The following DYNLT2 variants were observed in gnomAD, a reference collection of about 807,000 sequenced individuals.
The protein encoded by DYNLT2 is dynein light chain Tctex-type 2.
Under a neutral mutation model 24.3 loss-of-function variants are expected in DYNLT2, and 24 were observed. The observed-to-expected ratio is 0.99, with a 90% CI of 0.71 to 1.39. The LOEUF (loss-of-function observed/expected upper bound fraction) is 1.39, where lower values mean the gene tolerates loss of function less well. Among genes scored for constraint, DYNLT2 ranks in the 40% most tolerant of loss-of-function variants. The probability of loss-of-function intolerance (pLI) is 0.00; values close to 1 mark genes in which losing one functional copy is unlikely to be tolerated. For synonymous variants in DYNLT2, 85 were observed against 85.4 expected, an observed-to-expected ratio of 1.00 and a Z score of 0.03; for missense variants, 246 against 234.5, an observed-to-expected ratio of 1.05 and a Z score of -0.32.
chr6:169,734,686 G>A, the DYNLT2 span, among the ~76,000 whole-genome samples: 1 of 152,144 alleles, frequency 6.6e-6, no homozygotes, highest in Non-Finnish European at 1.5e-5. Flanking sequence ...GATTCGGTTG[G>A]CCAGTATTTT....
In DYNLT2 at chr6:169,751,360, A is replaced by C; in HGVS notation, c.99T>G (p.Pro33=). The part of the protein sequence containing the change: ...APVTPRKERR[P]SMFEKEAYTQ... ...TCACTGCCTCCTTCTCGAACATGCT[A>C]GGCCTCCTTTCTTTCCTAGGCGTCA... Residue 33 remains proline (P), a synonymous_variant, in exon 1 of 4, where the codon CCT becomes CCG. Transcript: ENST00000366774. The C allele has an allele frequency of 6.2e-7, 1 of 1,614,018 alleles. No homozygotes were observed. The highest frequency in any genetic ancestry group is 8.5e-7 in the Non-Finnish European group (1 of 1,179,986).
chr6:169,738,637 C>T (rs1006123163), downstream of DYNLT2: 1 of 152,246 alleles, frequency 6.6e-6, no homozygotes, highest in Non-Finnish European at 1.5e-5. Flanking sequence ...GATGAGAGAA[C>T]CTGGATACCT....
chr6:169,744,056 T>C lies in DYNLT2; in HGVS notation c.327+12A>G. The stretch of plus-strand genomic sequence containing the variant: ...CATACAATACTGCTATCATATATAT[T>C]TATCAACCTACTGTTAGTATCTGCT... On this transcript the variant is annotated intron_variant, in intron 2 of 3. Transcript: ENST00000366774. 6.2e-7 allele frequency: 1 copy of C among 1,607,998 alleles called. No individual in the cohort carries two copies.
At chr6:169,740,363 A>G in intron 3 of DYNLT2, 68 bp from the exon 4 acceptor site, 3 of 934,978 alleles carry the variant, frequency 3.2e-6, no homozygotes, top group African/African-American at 1.6e-5. Flanking sequence ...TCAAATCTAC[A>G]CTAGTTTTTT....
At chr6:169,734,319 T>C in the DYNLT2 span, among the ~76,000 whole-genome samples, 1 of 152,234 alleles carries the variant, frequency 6.6e-6, no homozygotes. Flanking sequence ...TCCAATATTA[T>C]GTTGAATAGA....
At chr6:169,733,430 A>T in the DYNLT2 span, among the ~76,000 whole-genome samples, 47 of 152,274 alleles carry the variant, frequency 3.1e-4, no homozygotes, top group Admixed American at 3.0e-3. Context: ...TTTTACATTT[A>T]AGTCTTTAAT....
At chr6:169,750,443 G>A (rs1333543964) in intron 1 of DYNLT2, 2 of 152,096 alleles carry the variant, frequency 1.3e-5, no homozygotes, top group African/African-American at 4.8e-5. Context: ...TAGACACCAG[G>A]GAAACAAGAA....
At chr6:169,748,771 TG>T (rs1789871105) in intron 1 of DYNLT2, among the ~76,000 whole-genome samples, 1 of 152,214 alleles carries the variant, frequency 6.6e-6, no homozygotes. Context: ...CTTAAGGAAA[TG>T]GGGCATTCGT....
In DYNLT2 at chr6:169,740,218, T is replaced by C. The variant is rs776936731; in HGVS notation, c.564A>G (p.Ala188=). 1 of 1,614,000 alleles carries C rather than the reference T, an allele frequency of 6.2e-7. No individual in the cohort carries two copies. Among genetic ancestry groups the C allele is most frequent in the Non-Finnish European group, 8.5e-7 (1 of 1,179,862 alleles). ...AATAAAGGGCAAACACCAAGACCAG[T>C]GCCACGTAGGATTCTGCTTCGTGTT... ...AAKHEAESYV[A]LVLVFALYYE The change falls in exon 4 of 4, where the codon GCA becomes GCG. Residue 188 remains alanine (A), a synonymous_variant. Coordinates refer to ENST00000366774, the MANE Select transcript of DYNLT2 (RefSeq NM_174910.3).
downstream of DYNLT2, among the ~76,000 whole-genome samples, chr6:169,736,738 C>T (rs1251148267): frequency 6.6e-6 from 1 of 152,110 alleles, no homozygotes; most frequent in Non-Finnish European, 1.5e-5. Context: ...CTCTGGCTGC[C>T]CTTAACAGGT....
At chr6:169,751,289 T>A in intron 1 of DYNLT2, 50 bp downstream of exon 1, 1 of 1,578,524 alleles carries the variant, frequency 6.3e-7, no homozygotes, top group Middle Eastern at 1.7e-4. Context: ...CGATTTCACT[T>A]AAACGGTCGG....
intron 3 of DYNLT2, among the ~76,000 whole-genome samples, chr6:169,740,952 G>A (rs904266194): frequency 1.3e-5 from 2 of 151,952 alleles, no homozygotes; most frequent in African/African-American, 4.8e-5. Context: ...GGGATTACAG[G>A]TGCCTGCCAC....
downstream of DYNLT2, chr6:169,738,564 G>T (rs1010092297): frequency 2.0e-5 from 3 of 152,144 alleles, no homozygotes; most frequent in African/African-American, 4.8e-5. Flanking sequence ...CTCTCAGGTG[G>T]GCTGCCACAC....
At position 169,751,427 on chromosome 6, in the gene DYNLT2, C is replaced by T; in HGVS notation, c.32G>A (p.Ser11Asn). The T allele has an allele frequency of 6.2e-7, 1 of 1,614,146 alleles. No individual in the cohort carries two copies. Among genetic ancestry groups the T allele is most frequent in the Non-Finnish European group, 8.5e-7 (1 of 1,180,024 alleles). Residue 11 changes from serine (S) to asparagine (N), a missense_variant, in exon 1 of 4, where the codon AGC becomes AAC. Physicochemically the swap from Ser to Asn is conservative, Grantham distance 46. Coordinates refer to ENST00000366774, the MANE Select transcript of DYNLT2 (RefSeq NM_174910.3). ...GGTCTGGTTCGGGGTCTGGATGGGG[C>T]TCGACTTCACGCCTCGGCCTCGCTT... Reference protein sequence around the residue: MEKRGRGVKSSPIQTPNQTPQ... With the variant: MEKRGRGVKSNPIQTPNQTPQ...
downstream of DYNLT2, among the ~76,000 whole-genome samples, chr6:169,737,516 T>C (rs982745185): frequency 6.6e-6 from 1 of 152,086 alleles, no homozygotes; most frequent in African/African-American, 2.4e-5. Context: ...GGGGCCTTTT[T>C]TGTTGTTGTT....
chr6:169,733,058 ATGTT>A, the DYNLT2 span, among the ~76,000 whole-genome samples: 8 of 150,862 alleles, frequency 5.3e-5, no homozygotes, highest in Non-Finnish European at 1.0e-4. Flanking sequence ...TTTTTTCCAT[ATGTT>A]TGTTGGCCAC....
Position 169,744,073 on chromosome 6 carries a change from G to A in DYNLT2, c.322C>T (p.Leu108=). The A allele has an allele frequency of 6.2e-7, 1 of 1,611,278 alleles. No homozygotes were observed. Among genetic ancestry groups the A allele is most frequent in the Non-Finnish European group, 8.5e-7 (1 of 1,179,710 alleles). Reference sequence around the variant, plus strand: ...ATATATATTTATCAACCTACTGTTAGTATCTGCTGGACTTTAGTTTCTACT... The same window carrying A: ...ATATATATTTATCAACCTACTGTTAATATCTGCTGGACTTTAGTTTCTACT... ...HSVETKVQQI[L]TESLKDVKYD... is the part of the protein sequence containing the mutation. The change falls in exon 2 of 4, where the codon CTA becomes TTA. Residue 108 remains leucine, a synonymous_variant. Transcript: ENST00000366774.
the DYNLT2 span, among the ~76,000 whole-genome samples, chr6:169,726,789 A>T: frequency 2.0e-5 from 3 of 152,202 alleles, no homozygotes; most frequent in Non-Finnish European, 4.4e-5. Context: ...ATGAAGATAT[A>T]AAAAAACCAT....
the DYNLT2 span, chr6:169,725,179 C>T: frequency 5.0e-6 from 2 of 398,760 alleles, no homozygotes; most frequent in Non-Finnish European, 8.8e-6. Flanking sequence ...GGAGCCAAGC[C>T]TGGGTCCGGG....
Sources: gnomAD v4.1 joint callset for allele counts (sites outside exome capture counted in the v4.1 genomes callset) on GRCh38, gnomAD v4.1.1 for gene constraint, MANE v1.5 for transcripts, NCBI Gene and HGNC (gene_info 2026-07-23, HGNC 2026-07-21) for gene names.